FNIP1: variants seen among roughly 807,000 people sequenced by gnomAD.
FNIP1 encodes the protein folliculin interacting protein 1, also known as folliculin-interacting protein 1.
In FNIP1, 40 loss-of-function variants were observed where a neutral mutation model predicts 124.5. The ratio of observed to expected loss-of-function variants is 0.32; its 90% CI spans 0.25 to 0.42. The LOEUF is 0.42. Ranked by LOEUF, FNIP1 falls within the 10% of genes least tolerant of loss-of-function variation. The probability of loss-of-function intolerance (pLI) is 1.00; values close to 1 mark genes in which losing one functional copy is unlikely to be tolerated. For missense variants in FNIP1, 1,176 were observed against 1,403.7 expected (o/e 0.84, Z 2.59); for synonymous variants, 472 against 470.6 (o/e 1.00, Z -0.04).
At chr5:131,719,248 A>T in intron 4 of FNIP1, 69 bp downstream of exon 4, 1 of 1,392,228 alleles carries the variant, frequency 7.2e-7, no homozygotes, top group Non-Finnish European at 9.9e-7. Context: ...GATCATATAA[A>T]ATTCTCTCTA....
intron 11 of FNIP1, 58 bp downstream of exon 11, chr5:131,698,859 T>C: frequency 7.1e-7 from 1 of 1,399,354 alleles, no homozygotes; most frequent in Non-Finnish European, 9.7e-7. Flanking sequence ...AAAGAAAAAA[T>C]GAATCTTCCT....
At position 131,656,566 on chromosome 5, in the gene FNIP1, G is replaced by A. The variant is rs79919541; in HGVS notation, c.3109-4567C>T. On this transcript the variant is annotated intron_variant, in intron 15 of 17. Transcript: ENST00000510461. ...GCAAAAGGAGGGTAAAGGATCTAAAGCTGGAGAATTTAACGCTAGGAAAGT... is the reference window on the plus strand; with the variant it reads ...GCAAAAGGAGGGTAAAGGATCTAAAACTGGAGAATTTAACGCTAGGAAAGT... Among the ~76,000 whole-genome samples, 1,461 of 152,218 alleles carry A rather than the reference G, an allele frequency of 9.6e-3. 27 individuals are homozygous for A. Among genetic ancestry groups the A allele is most frequent in the African/African-American group, 0.033 (1,390 of 41,514 alleles).
intron 11 of FNIP1, among the ~76,000 whole-genome samples, chr5:131,697,476 T>C (rs1768738367): frequency 6.6e-6 from 1 of 152,140 alleles, no homozygotes; most frequent in Non-Finnish European, 1.5e-5. Context: ...TATAGCTAGT[T>C]TTATTATGGT....
chr5:131,758,944 T>C (rs1333284679), intron 1 of FNIP1, among the ~76,000 whole-genome samples: 1 of 152,114 alleles, frequency 6.6e-6, no homozygotes, highest in Admixed American at 6.6e-5. Flanking sequence ...CCACAGTACA[T>C]AGGCAAATAC....
rs1338989741 is a variant in FNIP1, at chr5:131,647,184, G to T, written c.3328C>A (p.Arg1110=). 6.2e-7 allele frequency: 1 copy of T among 1,613,986 alleles called. No homozygotes were observed. The highest frequency in any genetic ancestry group is 1.7e-5 in the Admixed American group (1 of 60,006). Residue 1110 remains arginine, a synonymous_variant, in exon 17 of 18, where the codon CGG becomes AGG. Transcript: ENST00000510461. ...CTTTTGAAGTATAGCTCCTGCAACC[G>T]GTCTTCAAGATGCATTACACACTGC... ...PNFCVMHLED[R]LQELYFKSKM... is the part of the protein sequence containing the mutation.
chr5:131,728,391 T>C (rs955763138), intron 3 of FNIP1, among the ~76,000 whole-genome samples: 2 of 152,136 alleles, frequency 1.3e-5, no homozygotes, highest in African/African-American at 4.8e-5. Flanking sequence ...CATTCTTTTT[T>C]CTCTAATTCT....
At chr5:131,785,390 A>C (rs1394340226) in intron 1 of FNIP1, among the ~76,000 whole-genome samples, 4 of 151,696 alleles carry the variant, frequency 2.6e-5, no homozygotes, top group African/African-American at 9.7e-5. Flanking sequence ...CCCCGCCGCT[A>C]CTAAAAATAC....
rs770632116 is a variant in FNIP1, at chr5:131,672,234, A to G, written c.2210T>C (p.Ile737Thr). ...CTCACAAGAAAATGAAGCAGGCACA[A>G]TCTTATCTGGAGGTTTTTTTTCCAC... Reference protein sequence around the residue: ...MVVEKKPPDKIVPASFSCEAA... With the variant: ...MVVEKKPPDKTVPASFSCEAA... Residue 737 changes from isoleucine (I) to threonine (T), a missense_variant, in exon 14 of 18, where the codon ATT (isoleucine) becomes ACT (threonine). By Grantham distance (89) the Ile-to-Thr change is moderately conservative. Around this residue, in one of 2 missense-constraint regions of FNIP1, gnomAD observed 1,109 missense variants for 1,288.5 expected, o/e 0.86. Coordinates refer to ENST00000510461, the MANE Select transcript of FNIP1 (RefSeq NM_133372.3). 18 of 1,614,172 alleles carry G rather than the reference A, an allele frequency of 1.1e-5. No individual in the cohort carries two copies. The Middle Eastern group carries it at 8.2e-4, about 74-fold the overall frequency.
chr5:131,696,608 A>G (rs893505330), intron 11 of FNIP1, among the ~76,000 whole-genome samples: 3 of 152,158 alleles, frequency 2.0e-5, no homozygotes, highest in Non-Finnish European at 4.4e-5. Context: ...ATATTTTTAC[A>G]ATAAAAATAT....
At chr5:131,723,619 T>G (rs17171585) in intron 3 of FNIP1, among the ~76,000 whole-genome samples, 13,928 of 152,172 alleles carry the variant, frequency 0.092, 1,458 homozygotes, top group African/African-American at 0.26. Flanking sequence ...AAAAGGTCTA[T>G]TCTAAGTACT....
intron 8 of FNIP1, 54 bp from the exon 9 acceptor site, chr5:131,706,600 CA>C: frequency 7.1e-7 from 1 of 1,403,948 alleles, no homozygotes. Context: ...AGCATAATGA[CA>C]AATTTCTTTT....
chr5:131,706,712 G>A (rs1769125723), intron 8 of FNIP1, among the ~76,000 whole-genome samples, 166 bp from the exon 9 acceptor site: 1 of 152,176 alleles, frequency 6.6e-6, no homozygotes, highest in Non-Finnish European at 1.5e-5. Context: ...AGGTCTCAGA[G>A]GAGAAAAATC....
intron 1 of FNIP1, among the ~76,000 whole-genome samples, chr5:131,772,749 G>A (rs1017452496): frequency 6.6e-6 from 1 of 152,058 alleles, no homozygotes; most frequent in Non-Finnish European, 1.5e-5. Context: ...GATATGGATC[G>A]CTGTTTCCCA....
intron 3 of FNIP1, among the ~76,000 whole-genome samples, chr5:131,721,015 A>G (rs916037975): frequency 6.6e-6 from 1 of 152,222 alleles, no homozygotes; most frequent in African/African-American, 2.4e-5. Context: ...GATCTCAAAG[A>G]GATGTTAGCA....
intron 2 of FNIP1, among the ~76,000 whole-genome samples, chr5:131,739,835 A>AAC: frequency 6.7e-6 from 1 of 149,280 alleles, no homozygotes; most frequent in Non-Finnish European, 1.5e-5. Context: ...AAAAAAAAAA[A>AAC]AACACTGTTT....
intron 16 of FNIP1, 90 bp from the exon 17 acceptor site, chr5:131,647,295 T>C: frequency 1.1e-6 from 1 of 905,612 alleles, no homozygotes. Flanking sequence ...TTTTTGACAA[T>C]TCTGTTTGTT....
chr5:131,680,799 G>C (rs1299186661), intron 11 of FNIP1, among the ~76,000 whole-genome samples: 2 of 152,062 alleles, frequency 1.3e-5, no homozygotes, highest in East Asian at 3.8e-4. Flanking sequence ...AATTGCCAAG[G>C]AACTATTACT....
chr5:131,690,767 A>C (rs1768452994), intron 11 of FNIP1, among the ~76,000 whole-genome samples: 1 of 152,230 alleles, frequency 6.6e-6, no homozygotes, highest in Non-Finnish European at 1.5e-5. Flanking sequence ...ATCAGAGATA[A>C]AGAGGGGCAC....
chr5:131,727,991 G>A (rs886450136), intron 3 of FNIP1, among the ~76,000 whole-genome samples: 11 of 152,182 alleles, frequency 7.2e-5, no homozygotes, highest in Non-Finnish European at 1.2e-4. Context: ...CTTTAAGAAC[G>A]TTGAATATTG....
Sources: allele counts gnomAD v4.1 joint callset (sites outside exome capture counted in the v4.1 genomes callset), GRCh38; gene constraint gnomAD v4.1.1; regional missense constraint gnomAD v4.1.1; transcripts MANE v1.5; gene names NCBI Gene and HGNC (gene_info 2026-07-23, HGNC 2026-07-21).